The following GBF1 variants were observed in gnomAD, a reference collection of about 807,000 sequenced individuals.
GBF1 encodes the protein Golgi-specific brefeldin A-resistance guanine nucleotide exchange factor 1.
Under a neutral mutation model 210.5 loss-of-function variants are expected in GBF1, and 114 were observed. The observed-to-expected ratio is 0.54, with a 90% confidence interval of 0.47 to 0.63. The LOEUF (loss-of-function observed/expected upper bound fraction) is 0.63. Among genes scored for constraint, GBF1 ranks in the 30% least tolerant of loss-of-function variants. The pLI, the probability that GBF1 is intolerant of heterozygous loss-of-function variation, is 0.00. For missense variants in GBF1, 1,851 were observed against 2,357.7 expected (o/e 0.79, Z 4.45); for synonymous variants, 850 against 889.2 (o/e 0.96, Z 0.78).
intron 3 of GBF1, among the ~76,000 whole-genome samples, chr10:102,297,423 C>A (rs1481732473): frequency 6.6e-6 from 1 of 152,160 alleles, no homozygotes; most frequent in Non-Finnish European, 1.5e-5. Flanking sequence ...TGTTAGCATG[C>A]TTAATTTAAA....
At chr10:102,230,861 A>G in the GBF1 span, 1 of 1,601,234 alleles carries the variant, frequency 6.2e-7, no homozygotes. Flanking sequence ...GGTGGCGAGA[A>G]GACGGGCTGC....
At chr10:102,355,977 T>C (rs529352104) in intron 8 of GBF1, among the ~76,000 whole-genome samples, 28 of 152,352 alleles carry the variant, frequency 1.8e-4, no homozygotes, top group Non-Finnish European at 2.2e-4. Flanking sequence ...TAGCGGTCAG[T>C]ACGCCTGAAG....
At position 102,358,308 on chromosome 10, in the gene GBF1, G is replaced by A. The variant is rs2059405896; in HGVS notation, c.787+122G>A. 4.3e-6 allele frequency: 4 copies of A among 934,332 alleles called. No individual in the cohort carries two copies. In the East Asian group the frequency reaches 9.6e-5, roughly 22 times the overall value. 57.9% of individuals were successfully genotyped at this position (934,332 alleles called of 1,614,324 possible). A position where few individuals can be genotyped will look rare whatever the true frequency, so the allele number is the denominator to read the frequency against. On this transcript the variant is annotated intron_variant, in intron 9 of 39. Transcript: ENST00000369983. ...TGGTCTTGGCGCTGAGAACAAAAAG[G>A]GAAACTCCAGGTCAAATCAGAGTGT...
At chr10:102,243,875 A>T (rs1393288760), upstream of GBF1, among the ~76,000 whole-genome samples, 1 of 152,180 alleles carries the variant, frequency 6.6e-6, no homozygotes, top group Non-Finnish European at 1.5e-5. Flanking sequence ...CACACCTGTA[A>T]TCTCAACACT....
Position 102,367,164 on chromosome 10 carries a change from A to G in GBF1, c.2513A>G (p.Gln838Arg). The change falls in exon 20 of 40, where the codon CAG becomes CGG. Residue 838 changes from glutamine (Q) to arginine (R), a missense_variant. Physicochemically the swap from Gln to Arg is conservative, Grantham distance 43. Coordinates refer to ENST00000369983, the MANE Select transcript of GBF1 (RefSeq NM_001377137.1). The part of the protein sequence containing the change: ...AYAVIMLNTD[Q>R]HNHNVRKQNA... ...GCTGTCATCATGCTTAATACTGACC[A>G]GCACAACCACAATGTTCGTAAACAG... The G allele has an allele frequency of 6.2e-7, 1 of 1,614,040 alleles. No homozygotes were observed. Among genetic ancestry groups the G allele is most frequent in the Non-Finnish European group, 8.5e-7 (1 of 1,179,896 alleles).
In GBF1 at chr10:102,363,769, G is replaced by A. The variant is rs1420520362; in HGVS notation, c.2077G>A (p.Glu693Lys). Residue 693 changes from glutamate (E) to lysine (K), a missense_variant, in exon 17 of 40, where the codon GAA becomes AAA. Transcript: ENST00000369983. This position sits in a 1 kb window ranked among gnomAD's most constrained non-coding sequence, Gnocchi z 4.2. The stretch of plus-strand genomic sequence containing the variant: ...TTCCTGTCTCCTGCCAGATCCACGG[G>A]AACTAATTGAAATTAAAAACAAAAA... ...RFSCLLPDPR[E>K]LIEIKNKKKL... The A allele has an allele frequency of 1.2e-6, 2 of 1,612,072 alleles. No individual in the cohort carries two copies. The highest frequency in any genetic ancestry group is 1.7e-6 in the Non-Finnish European group (2 of 1,178,266).
chr10:102,292,280 A>C (rs1413281715), intron 3 of GBF1, among the ~76,000 whole-genome samples: 1 of 152,076 alleles, frequency 6.6e-6, no homozygotes, highest in Non-Finnish European at 1.5e-5. Context: ...AATCTCTGGG[A>C]CAAACAAACA....
At chr10:102,274,331 C>A (rs904043100) in intron 3 of GBF1, among the ~76,000 whole-genome samples, 4 of 152,088 alleles carry the variant, frequency 2.6e-5, no homozygotes, top group Non-Finnish European at 5.9e-5. Context: ...TGTCCCACCT[C>A]CACCCTGTGC....
At chr10:102,283,650 AAG>A (rs1189654133) in intron 3 of GBF1, among the ~76,000 whole-genome samples, 1 of 152,224 alleles carries the variant, frequency 6.6e-6, no homozygotes, top group Admixed American at 6.5e-5. Flanking sequence ...AACAATTTGA[AAG>A]AGAAATATGA....
At chr10:102,275,580 T>C (rs2074884054) in intron 3 of GBF1, among the ~76,000 whole-genome samples, 1 of 151,526 alleles carries the variant, frequency 6.6e-6, no homozygotes, top group South Asian at 2.1e-4. Flanking sequence ...AGTACAAATG[T>C]AGTCCACAGA....
the GBF1 span, among the ~76,000 whole-genome samples, chr10:102,238,686 C>CATT: frequency 6.6e-6 from 1 of 152,196 alleles, no homozygotes; most frequent in Non-Finnish European, 1.5e-5. Context: ...GACATAATTT[C>CATT]ATTTAACTCG....
intron 2 of GBF1, among the ~76,000 whole-genome samples, chr10:102,259,758 A>G (rs2072949012): frequency 6.6e-6 from 1 of 152,218 alleles, no homozygotes; most frequent in South Asian, 2.1e-4. Context: ...GGGAGAGAAG[A>G]CAGAATAATA....
chr10:102,361,390 C>G (rs1202789414), intron 13 of GBF1, among the ~76,000 whole-genome samples: 1 of 152,196 alleles, frequency 6.6e-6, no homozygotes, highest in Admixed American at 6.5e-5. Flanking sequence ...AGCAGTTACT[C>G]TGCAACACAG....
chr10:102,231,083 G>T, the GBF1 span: 1 of 1,559,454 alleles, frequency 6.4e-7, no homozygotes, highest in Non-Finnish European at 8.6e-7. Context: ...CATTTGGCGC[G>T]CCGGTTCTTG....
intron 3 of GBF1, among the ~76,000 whole-genome samples, chr10:102,334,241 C>G (rs887570907): frequency 2.0e-5 from 3 of 152,154 alleles, no homozygotes; most frequent in Admixed American, 1.3e-4. Flanking sequence ...AGGCCTTTTT[C>G]CTTGTCAGCG....
At chr10:102,316,007 C>T (rs2078896903) in intron 3 of GBF1, among the ~76,000 whole-genome samples, 1 of 151,546 alleles carries the variant, frequency 6.6e-6, no homozygotes, top group Non-Finnish European at 1.5e-5. Flanking sequence ...ACTATTAGTG[C>T]TATATCCTCT....
At position 102,369,390 on chromosome 10, in the gene GBF1, A is replaced by T. The variant is rs962620253; in HGVS notation, c.3150+3A>T. The T allele has an allele frequency of 1.9e-6, 3 of 1,606,356 alleles. No individual in the cohort carries two copies. The African/African-American group carries it at 4.0e-5, about 21-fold the overall frequency. On this transcript the variant is annotated splice_donor_region_variant and intron_variant, in intron 24 of 39. Coordinates refer to ENST00000369983, the MANE Select transcript of GBF1 (RefSeq NM_001377137.1). ...TACTGCCCAAGGCTATGATAGAGGT[A>T]ATTCTTAGTAGGAGACTAGTGAGCG...
In GBF1 at chr10:102,376,595, G is replaced by A; in HGVS notation, c.4083G>A (p.Gly1361=). The A allele has an allele frequency of 6.2e-7, 1 of 1,613,896 alleles. No individual in the cohort carries two copies. Among genetic ancestry groups the A allele is most frequent in the Non-Finnish European group, 8.5e-7 (1 of 1,179,822 alleles). ...GKDDVDNSKP[G]PSRPGPSPLI... The stretch of plus-strand genomic sequence containing the variant: ...ATGACGTTGATAACTCCAAGCCAGG[G>A]CCCAGCCGCCCAGGCCCTTCACCCC... Residue 1361 remains glycine, a synonymous_variant, in exon 32 of 40, where the codon GGG becomes GGA. Transcript: ENST00000369983.
rs1326595930 is a variant in GBF1, at chr10:102,364,372, G to C, written c.2106+574G>C. On this transcript the variant is annotated intron_variant, in intron 17 of 39. Coordinates refer to ENST00000369983, the MANE Select transcript of GBF1 (RefSeq NM_001377137.1). The stretch of plus-strand genomic sequence containing the variant: ...CCCAAGTAGCTGGGACTACAGGCGT[G>C]TGCCACCATGCCTGGCTAATTTTTT... 1.1e-4 allele frequency among the ~76,000 whole-genome samples: 16 copies of C among 151,008 alleles called. No individual in the cohort carries two copies. In the South Asian group the frequency reaches 3.1e-3, roughly 29 times the overall value.
Sources: gnomAD v4.1 joint callset for allele counts (sites outside exome capture counted in the v4.1 genomes callset) on GRCh38, gnomAD v4.1.1 for gene constraint, Gnocchi (gnomAD v3.1) non-coding constraint, MANE v1.5 for transcripts, NCBI Gene and HGNC (gene_info 2026-07-23, HGNC 2026-07-21) for gene names.